FFAR1: variants seen among roughly 807,000 people sequenced by gnomAD.
FFAR1 encodes G-protein coupled receptor 40.
For synonymous variants in FFAR1, 216 were observed against 201.5 expected, an observed-to-expected ratio of 1.07 and a Z score of -0.61; for missense variants, 424 against 396.2, an observed-to-expected ratio of 1.07 and a Z score of -0.60.
At chr19:35,351,411 C>T (rs1450615046), upstream of FFAR1, 4 of 727,226 alleles carry the variant, frequency 5.5e-6, no homozygotes, top group Non-Finnish European at 9.1e-6. Flanking sequence ...CCTCCCTGAT[C>T]CCACCAGGTG....
At chr19:35,349,684 G>C (rs1161378221), upstream of FFAR1, among the ~76,000 whole-genome samples, 1 of 152,220 alleles carries the variant, frequency 6.6e-6, no homozygotes, top group Non-Finnish European at 1.5e-5. Context: ...GCCACACAGA[G>C]AGAGGTTTAT....
chr19:35,353,322 TAATAAA>T (rs1265886881), exon 1 of FFAR1: 2 of 151,856 alleles, frequency 1.3e-5, no homozygotes, highest in African/African-American at 2.4e-5. Context: ...CCTCTACAAA[TAATAAA>T]AATAAAAATA....
chr19:35,349,498 C>T (rs546757703), upstream of FFAR1, among the ~76,000 whole-genome samples: 25 of 152,388 alleles, frequency 1.6e-4, no homozygotes, highest in South Asian at 3.7e-3. Context: ...GGCCAGTTCT[C>T]CGCTCACAGC....
chr19:35,349,786 G>A (rs561543677), upstream of FFAR1, among the ~76,000 whole-genome samples: 1 of 152,284 alleles, frequency 6.6e-6, no homozygotes, highest in Non-Finnish European at 1.5e-5. Context: ...TTGTCATTCT[G>A]AGGCAGGAAA....
At chr19:35,352,539 G>T in exon 1 of FFAR1, 1 of 1,438,448 alleles carries the variant, frequency 7.0e-7, no homozygotes, top group Non-Finnish European at 9.3e-7. Context: ...CGGAGGAACT[G>T]CAGGGCAGCC....
chr19:35,348,155 T>A (rs2066928814), upstream of FFAR1, among the ~76,000 whole-genome samples: 1 of 152,228 alleles, frequency 6.6e-6, no homozygotes, highest in South Asian at 2.1e-4. Flanking sequence ...CTCTCCCACC[T>A]TCCTTTCCCT....
chr19:35,352,519 GGGGCTGCTTC>G (rs2066950478), exon 1 of FFAR1: 1 of 1,501,660 alleles, frequency 6.7e-7, no homozygotes, highest in Admixed American at 2.1e-5. Context: ...GCCCCTGCGG[GGGGCTGCTTC>G]GGAGGAACTG....
At chr19:35,348,184 C>T (rs554728714), upstream of FFAR1, among the ~76,000 whole-genome samples, 151 of 152,362 alleles carry the variant, frequency 9.9e-4, no homozygotes, top group Middle Eastern at 6.8e-3. Context: ...TGCTCAGTAC[C>T]CGGACGGTAA....
rs2066947065 is a variant in FFAR1, at chr19:35,351,980, G to GT, written c.431dup (p.Leu144PhefsTer129). 7 of 1,614,032 alleles carry GT rather than the reference G, an allele frequency of 4.3e-6. No homozygotes were observed. In the East Asian group the frequency reaches 1.1e-4, roughly 26 times the overall value. ...TGTGTCACCTGGGTCTGGTCTTTGGGTTGGAGGCTCCAGGAGGCTGGCTGG... is the reference window on the plus strand; with the variant it reads ...TGTGTCACCTGGGTCTGGTCTTTGGGTTTGGAGGCTCCAGGAGGCTGGCTGG... On this transcript the variant is annotated frameshift_variant, in exon 1 of 1. Transcript: ENST00000246553. LOFTEE classifies it low-confidence loss of function (END_TRUNC).
At chr19:35,352,085 T>G (rs1408367844) in exon 1 of FFAR1, 1 of 1,613,148 alleles carries the variant, frequency 6.2e-7, no homozygotes, top group African/African-American at 1.3e-5. Context: ...ACCCGGCCTC[T>G]GCCGGCCCGG....
At chr19:35,348,309 T>A (rs537565325), upstream of FFAR1, among the ~76,000 whole-genome samples, 1 of 152,198 alleles carries the variant, frequency 6.6e-6, no homozygotes. Context: ...CTTTAAGAAC[T>A]GTTTAAAGCC....
upstream of FFAR1, among the ~76,000 whole-genome samples, chr19:35,350,584 C>G (rs952233930): frequency 1.3e-5 from 2 of 152,182 alleles, no homozygotes; most frequent in African/African-American, 4.8e-5. Flanking sequence ...ACACTCGGCC[C>G]CTACCCAGAC....
chr19:35,349,151 C>A (rs560402981), upstream of FFAR1, among the ~76,000 whole-genome samples: 2 of 152,276 alleles, frequency 1.3e-5, no homozygotes, highest in South Asian at 4.1e-4. Flanking sequence ...TGCTGTGCAA[C>A]GTGTAGTAGA....
In FFAR1 at chr19:35,351,722, C is replaced by A. The variant is rs748785019; in HGVS notation, c.171C>A (p.Val57=). 9 of 1,564,404 alleles carry A rather than the reference C, an allele frequency of 5.8e-6. No homozygotes were observed. The East Asian group carries it at 2.1e-4, about 37-fold the overall frequency. The change falls in exon 1 of 1, where the codon GTC becomes GTA. Residue 57 remains valine, a synonymous_variant. Coordinates refer to ENST00000246553, the Ensembl canonical transcript of FFAR1. The stretch of plus-strand genomic sequence containing the variant: ...GCTGCTCCGACCTGCTGCTGACAGT[C>A]TCTCTGCCCCTGAAGGCGGTGGAGG...
At chr19:35,351,711 C>A in exon 1 of FFAR1, 1 of 1,565,502 alleles carries the variant, frequency 6.4e-7, no homozygotes, top group South Asian at 1.2e-5. Flanking sequence ...CTCCGACCTG[C>A]TGCTGACAGT....
chr19:35,350,484 G>A (rs2066939496), upstream of FFAR1, among the ~76,000 whole-genome samples: 2 of 152,182 alleles, frequency 1.3e-5, no homozygotes, highest in Non-Finnish European at 2.9e-5. Flanking sequence ...TGGCCCCAGC[G>A]CAGGTGTGAA....
upstream of FFAR1, among the ~76,000 whole-genome samples, chr19:35,348,323 G>A (rs1047697023): frequency 6.6e-6 from 1 of 152,238 alleles, no homozygotes; most frequent in African/African-American, 2.4e-5. Flanking sequence ...TAAAGCCCAG[G>A]CGTGGTGGAT....
exon 1 of FFAR1, chr19:35,351,619 A>T: frequency 6.5e-7 from 1 of 1,542,950 alleles, no homozygotes. Context: ...TTCCCGCTCA[A>T]CGTCCTGGCC....
rs374423505 is a variant in FFAR1, at chr19:35,352,223, G to A, written c.672G>A (p.Trp224Ter). Reference sequence around the variant, plus strand: ...ACAGGCGGAAGCTGCGGGCCGCCTGGGTGGCCGGCGGGGCCCTCCTCACGC... The same window carrying A: ...ACAGGCGGAAGCTGCGGGCCGCCTGAGTGGCCGGCGGGGCCCTCCTCACGC... Residue 224 changes from tryptophan to a stop codon, truncating the protein, a stop_gained, in exon 1 of 1, where the codon TGG becomes TGA. Coordinates refer to ENST00000246553, the Ensembl canonical transcript of FFAR1. LOFTEE classifies it low-confidence loss of function (END_TRUNC). The A allele has an allele frequency of 3.8e-6, 6 of 1,570,136 alleles. No homozygotes were observed. In the African/African-American group the frequency reaches 5.4e-5, roughly 14 times the overall value.
Sources: gnomAD v4.1 joint callset for allele counts (sites outside exome capture counted in the v4.1 genomes callset) on GRCh38, gnomAD v4.1.1 for gene constraint, MANE v1.5 for transcripts, NCBI Gene and HGNC (gene_info 2026-07-23, HGNC 2026-07-21) for gene names.